FGGY: variants seen among roughly 807,000 people sequenced by gnomAD.
FGGY encodes the protein FGGY carbohydrate kinase domain-containing protein.
A neutral mutation model predicts 71.3 loss-of-function variants in FGGY; 72 were observed. That is an observed-to-expected ratio of 1.01 (90% CI 0.84 to 1.23). The LOEUF (loss-of-function observed/expected upper bound fraction) is 1.23. FGGY is among the 50% of genes most tolerant of loss of function. The pLI is 0.00. For synonymous variants in FGGY, 251 were observed against 250.3 expected, an observed-to-expected ratio of 1.00 and a Z score of -0.02; for missense variants, 668 against 682.3, an observed-to-expected ratio of 0.98 and a Z score of 0.23.
chr1:59,499,501 AT>A (rs905409659), intron 6 of FGGY, among the ~76,000 whole-genome samples: 1 of 152,062 alleles, frequency 6.6e-6, no homozygotes, highest in African/African-American at 2.4e-5. Context: ...GGAATTTTCC[AT>A]TTAATATTTT....
chr1:59,711,912 A>G (rs1284675789), intron 14 of FGGY, among the ~76,000 whole-genome samples: 1 of 152,090 alleles, frequency 6.6e-6, no homozygotes, highest in Non-Finnish European at 1.5e-5. Context: ...TCATGTCCTC[A>G]CATTTCAAAA....
chr1:59,309,147 A>C (rs1174894554), intron 1 of FGGY, among the ~76,000 whole-genome samples: 3 of 152,168 alleles, frequency 2.0e-5, no homozygotes, highest in Non-Finnish European at 4.4e-5. Context: ...TCAAAGATAG[A>C]ATCACTTTTC....
At chr1:59,308,955 A>C (rs2043844868) in intron 1 of FGGY, among the ~76,000 whole-genome samples, 1 of 152,144 alleles carries the variant, frequency 6.6e-6, no homozygotes, top group African/African-American at 2.4e-5. Context: ...ATAATCATTT[A>C]ATTTGCTTCT....
intron 14 of FGGY, among the ~76,000 whole-genome samples, chr1:59,686,404 C>A (rs1445597654): frequency 6.6e-6 from 1 of 152,184 alleles, no homozygotes; most frequent in Non-Finnish European, 1.5e-5. Flanking sequence ...CAGTAAACAG[C>A]AAGCCACAGA....
At chr1:59,698,634 A>AT (rs567222148) in intron 14 of FGGY, 646 of 441,766 alleles carry the variant, frequency 1.5e-3, no homozygotes, top group Non-Finnish European at 1.7e-3. Flanking sequence ...CCACTTGGGA[A>AT]TTTTTTTTTC....
chr1:59,648,845 C>A lies in FGGY; in HGVS notation c.1221+10470C>A, dbSNP rs1303361656. ...TGCCCATGCCTATGTCCTGAATGGT[C>A]ATGCCTAGGTTTTCTTCTAGGGTTT... On this transcript the variant is annotated intron_variant, in intron 11 of 15. Transcript: ENST00000303721. 2.6e-4 allele frequency among the ~76,000 whole-genome samples: 39 copies of A among 152,162 alleles called. No individual in the cohort carries two copies. The East Asian group carries it at 3.3e-3, about 13-fold the overall frequency.
chr1:59,745,346 C>T (rs1444590191), intron 14 of FGGY, among the ~76,000 whole-genome samples: 1 of 152,160 alleles, frequency 6.6e-6, no homozygotes, highest in Non-Finnish European at 1.5e-5. Context: ...CTCTTAGCTT[C>T]GATTATTCAC....
chr1:59,352,826 C>T (rs1349233209), intron 4 of FGGY, among the ~76,000 whole-genome samples: 1 of 152,204 alleles, frequency 6.6e-6, no homozygotes, highest in Non-Finnish European at 1.5e-5. Context: ...GACATAATAA[C>T]ACCTTTTCTC....
intron 6 of FGGY, among the ~76,000 whole-genome samples, chr1:59,509,214 G>A (rs1033908858): frequency 6.6e-6 from 1 of 152,132 alleles, no homozygotes; most frequent in African/African-American, 2.4e-5. Flanking sequence ...CGCAACCACT[G>A]TGACCTGTTA....
chr1:59,386,572 G>T (rs2060101011), intron 5 of FGGY, among the ~76,000 whole-genome samples: 1 of 151,578 alleles, frequency 6.6e-6, no homozygotes, highest in Non-Finnish European at 1.5e-5. Flanking sequence ...CTTTTTGGAA[G>T]GAAGTCACTA....
chr1:59,616,671 T>C (rs1025803935), intron 9 of FGGY, among the ~76,000 whole-genome samples: 1 of 152,052 alleles, frequency 6.6e-6, no homozygotes, highest in Non-Finnish European at 1.5e-5. Context: ...GTAATATTAA[T>C]TGTAATAATT....
At chr1:59,339,813 G>T in intron 2 of FGGY, 145 bp from the exon 3 acceptor site, 1 of 572,788 alleles carries the variant, frequency 1.7e-6, no homozygotes, top group African/African-American at 1.9e-5. Flanking sequence ...GGATCTTTTG[G>T]GATTATAGTG....
chr1:59,385,281 C>A (rs1033659533), intron 5 of FGGY, among the ~76,000 whole-genome samples: 1 of 152,096 alleles, frequency 6.6e-6, no homozygotes, highest in Non-Finnish European at 1.5e-5. Flanking sequence ...GAGAAAATCA[C>A]CATTTGGCCC....
chr1:59,402,947 G>A (rs1258569566), intron 5 of FGGY, among the ~76,000 whole-genome samples: 2 of 152,152 alleles, frequency 1.3e-5, no homozygotes, highest in Non-Finnish European at 2.9e-5. Flanking sequence ...CTGGGTATGG[G>A]GGTCCCGGGC....
chr1:59,554,977 G>A (rs1386458615), intron 8 of FGGY, among the ~76,000 whole-genome samples: 1 of 152,162 alleles, frequency 6.6e-6, no homozygotes, highest in Non-Finnish European at 1.5e-5. Context: ...AGAGATTAGA[G>A]CGGGACACAG....
intron 14 of FGGY, among the ~76,000 whole-genome samples, chr1:59,739,895 G>A (rs1401020037): frequency 2.0e-5 from 3 of 152,184 alleles, no homozygotes; most frequent in African/African-American, 7.2e-5. Flanking sequence ...TTCTGGTTGG[G>A]TTTGGCCAAT....
chr1:59,538,314 G>C (rs1487144050), intron 7 of FGGY, among the ~76,000 whole-genome samples: 1 of 150,602 alleles, frequency 6.6e-6, no homozygotes, highest in African/African-American at 2.4e-5. Context: ...ACACCAGTTA[G>C]AATGGCAATC....
intron 8 of FGGY, among the ~76,000 whole-genome samples, chr1:59,594,053 C>T (rs2096489876): frequency 6.6e-6 from 1 of 152,212 alleles, no homozygotes; most frequent in Non-Finnish European, 1.5e-5. Flanking sequence ...ACAAATCCCT[C>T]AAGTGTAAAC....
chr1:59,501,523 T>G (rs2094222269), intron 6 of FGGY, among the ~76,000 whole-genome samples: 1 of 152,214 alleles, frequency 6.6e-6, no homozygotes, highest in Non-Finnish European at 1.5e-5. Context: ...CAAGTTTTCC[T>G]TTTCCTAGAA....
Sources: allele counts gnomAD v4.1 joint callset (sites outside exome capture counted in the v4.1 genomes callset), GRCh38; gene constraint gnomAD v4.1.1; transcripts MANE v1.5; gene names NCBI Gene and HGNC (gene_info 2026-07-23, HGNC 2026-07-21).